GTF2F2: variants seen among roughly 807,000 people sequenced by gnomAD.
GTF2F2 encodes general transcription factor IIF subunit 2.
Under a neutral mutation model 42.2 loss-of-function variants are expected in GTF2F2, and 23 were observed. The ratio of observed to expected loss-of-function variants is 0.55; its 90% confidence interval spans 0.39 to 0.77. The LOEUF (loss-of-function observed/expected upper bound fraction) is 0.77. GTF2F2 is among the 30% of genes least tolerant of loss of function. GTF2F2 has a pLI of 0.00. For synonymous variants in GTF2F2, 105 were observed against 100.8 expected, an observed-to-expected ratio of 1.04 and a Z score of -0.25; for missense variants, 261 against 287.2, an observed-to-expected ratio of 0.91 and a Z score of 0.66.
intron 6 of GTF2F2, among the ~76,000 whole-genome samples, chr13:45,253,779 TAAAA>T (rs1467836503): frequency 6.6e-6 from 1 of 151,996 alleles, no homozygotes; most frequent in African/African-American, 2.4e-5. Flanking sequence ...TGACACATGA[TAAAA>T]AGAAAGAAGA....
At chr13:45,153,790 C>CA (rs1462726412) in intron 4 of GTF2F2, among the ~76,000 whole-genome samples, 7 of 151,690 alleles carry the variant, frequency 4.6e-5, no homozygotes, top group Non-Finnish European at 1.0e-4. Context: ...CTAACCAGGC[C>CA]AACATGGTGA....
intron 1 of GTF2F2, among the ~76,000 whole-genome samples, chr13:45,131,454 A>G (rs1390793421): frequency 6.6e-6 from 1 of 152,216 alleles, no homozygotes; most frequent in Non-Finnish European, 1.5e-5. Flanking sequence ...TGGGGACTAA[A>G]CATTGGCTTG....
chr13:45,258,752 A>G (rs1435888267), intron 6 of GTF2F2, among the ~76,000 whole-genome samples: 1 of 152,208 alleles, frequency 6.6e-6, no homozygotes, highest in Non-Finnish European at 1.5e-5. Context: ...AAAATTTTTT[A>G]TCTTGTGTAT....
intron 4 of GTF2F2, among the ~76,000 whole-genome samples, chr13:45,195,513 T>C (rs1869333632): frequency 1.3e-5 from 2 of 149,580 alleles, no homozygotes; most frequent in African/African-American, 2.6e-5. Flanking sequence ...AATAGTGTCA[T>C]GGGTAAGTTA....
chr13:45,181,501 A>G (rs1274438376), intron 4 of GTF2F2, among the ~76,000 whole-genome samples: 1 of 152,112 alleles, frequency 6.6e-6, no homozygotes, highest in African/African-American at 2.4e-5. Context: ...TTTCTCTCTG[A>G]TGTTCTTAAA....
At chr13:45,278,185 A>G (rs1593532823) in intron 7 of GTF2F2, among the ~76,000 whole-genome samples, 1 of 152,216 alleles carries the variant, frequency 6.6e-6, no homozygotes, top group Admixed American at 6.5e-5. Flanking sequence ...ATAATAGGCT[A>G]CTGTGCCTTA....
intron 5 of GTF2F2, among the ~76,000 whole-genome samples, chr13:45,236,650 CTGT>C (rs764180394): frequency 3.3e-5 from 5 of 151,882 alleles, no homozygotes; most frequent in Non-Finnish European, 7.4e-5. Context: ...GCCTATTTGA[CTGT>C]TGAGGTAAAA....
chr13:45,273,917 A>G (rs1876911941), intron 7 of GTF2F2, among the ~76,000 whole-genome samples: 1 of 152,174 alleles, frequency 6.6e-6, no homozygotes, highest in South Asian at 2.1e-4. Flanking sequence ...TCTCTATGGA[A>G]ATAATTTCCC....
chr13:45,121,640 C>T (rs915375821), intron 1 of GTF2F2, among the ~76,000 whole-genome samples: 1 of 152,144 alleles, frequency 6.6e-6, no homozygotes, highest in Non-Finnish European at 1.5e-5. Context: ...TTCATATGTT[C>T]AAAGTTGGTT....
chr13:45,193,485 G>T, intron 4 of GTF2F2: 1 of 260,524 alleles, frequency 3.8e-6, no homozygotes, highest in Non-Finnish European at 7.3e-6. Context: ...AAATACCCAA[G>T]ACAATCTGAA....
chr13:45,212,898 C>T (rs762389047), intron 5 of GTF2F2, among the ~76,000 whole-genome samples: 2 of 151,920 alleles, frequency 1.3e-5, no homozygotes, highest in Non-Finnish European at 2.9e-5. Context: ...TGTGCCACCA[C>T]GCCTGGCTAA....
chr13:45,270,194 C>G (rs1593528359), intron 7 of GTF2F2, among the ~76,000 whole-genome samples: 1 of 152,134 alleles, frequency 6.6e-6, no homozygotes, highest in African/African-American at 2.4e-5. Context: ...CCGTCTTTTT[C>G]TCTTGTTTGC....
At chr13:45,122,080 A>G (rs1432753500) in intron 1 of GTF2F2, among the ~76,000 whole-genome samples, 3 of 152,220 alleles carry the variant, frequency 2.0e-5, no homozygotes, top group Non-Finnish European at 4.4e-5. Context: ...GACTCAAAAT[A>G]TATAATCAGC....
intron 4 of GTF2F2, among the ~76,000 whole-genome samples, chr13:45,174,588 C>T (rs1167861248): frequency 6.8e-6 from 1 of 148,036 alleles, no homozygotes; most frequent in African/African-American, 2.5e-5. Flanking sequence ...TGAATATGCA[C>T]CATTTTTTTG....
chr13:45,130,940 G>A (rs1381734168), intron 1 of GTF2F2, among the ~76,000 whole-genome samples: 1 of 152,152 alleles, frequency 6.6e-6, no homozygotes, highest in African/African-American at 2.4e-5. Context: ...CACGAGACTG[G>A]ATGAAGTTAC....
At chr13:45,244,735 A>G (rs956213425) in intron 5 of GTF2F2, among the ~76,000 whole-genome samples, 16 of 152,206 alleles carry the variant, frequency 1.1e-4, no homozygotes, top group Admixed American at 7.9e-4. Context: ...CAGTGGCACA[A>G]TCTTGGCTCA....
chr13:45,187,449 A>G (rs901146806), intron 4 of GTF2F2, among the ~76,000 whole-genome samples: 2 of 152,188 alleles, frequency 1.3e-5, no homozygotes, highest in South Asian at 2.1e-4. Context: ...ATATGTGTTC[A>G]TGATTTTTGT....
At chr13:45,276,018 C>T (rs1451272912) in intron 7 of GTF2F2, among the ~76,000 whole-genome samples, 1 of 152,074 alleles carries the variant, frequency 6.6e-6, no homozygotes, top group African/African-American at 2.4e-5. Flanking sequence ...CTTTAGATTA[C>T]TTATATAATA....
intron 7 of GTF2F2, among the ~76,000 whole-genome samples, chr13:45,279,849 G>C (rs1421887999): frequency 6.6e-6 from 1 of 152,144 alleles, no homozygotes; most frequent in South Asian, 2.1e-4. Flanking sequence ...AAGTTGCAGT[G>C]AGCCAAGATC....
Sources: allele counts gnomAD v4.1 joint callset (sites outside exome capture counted in the v4.1 genomes callset), GRCh38; gene constraint gnomAD v4.1.1; transcripts MANE v1.5; gene names NCBI Gene and HGNC (gene_info 2026-07-23, HGNC 2026-07-21).